Variants in TLN2 observed in about 807,000 individuals in gnomAD.
TLN2 encodes talin-2.
In TLN2, 118 loss-of-function variants were observed where a neutral mutation model predicts 294.7. The observed-to-expected ratio is 0.40, with a 90% CI of 0.34 to 0.47. The LOEUF (loss-of-function observed/expected upper bound fraction) is 0.47, where lower values mean the gene tolerates loss of function less well. Ranked by LOEUF, TLN2 falls within the 20% of genes least tolerant of loss-of-function variation. TLN2 has a pLI of 0.84. For missense variants in TLN2, 3,083 were observed against 3,282.2 expected (o/e 0.94, Z 1.48); for synonymous variants, 1,431 against 1,304.5 (o/e 1.10, Z -2.09).
At chr15:62,477,316 C>T (rs758157189) in intron 1 of TLN2, among the ~76,000 whole-genome samples, 1 of 152,184 alleles carries the variant, frequency 6.6e-6, no homozygotes, top group Non-Finnish European at 1.5e-5. Context: ...AGAAGTAAGG[C>T]TGTAAGCTTT....
intron 32 of TLN2, 78 bp downstream of exon 32, chr15:62,740,847 C>T: frequency 6.3e-7 from 1 of 1,578,446 alleles, no homozygotes; most frequent in Non-Finnish European, 8.6e-7. Flanking sequence ...TGACATCCTC[C>T]CACTTTTGCT....
At chr15:62,501,438 G>C (rs894102211) in intron 1 of TLN2, among the ~76,000 whole-genome samples, 4 of 152,146 alleles carry the variant, frequency 2.6e-5, no homozygotes, top group Non-Finnish European at 4.4e-5. Flanking sequence ...TGTACCAAAA[G>C]AGCGACCCTC....
chr15:62,761,606 A>G, intron 37 of TLN2, 75 bp from the exon 38 acceptor site: 2 of 1,591,802 alleles, frequency 1.3e-6, no homozygotes, highest in Non-Finnish European at 8.6e-7. Flanking sequence ...TTCTTTCACT[A>G]AGAGGTGATT....
chr15:62,587,935 T>C (rs560443188), intron 1 of TLN2, among the ~76,000 whole-genome samples: 48 of 152,218 alleles, frequency 3.2e-4, no homozygotes, highest in Non-Finnish European at 4.0e-4. Context: ...GGCTGGAGTG[T>C]AGTGGCGTGA....
In TLN2 at chr15:62,792,912, C is replaced by T. The variant is rs16945739; in HGVS notation, c.5883+125C>T. ...CCCAGCTGACTCAGCTGTCTCATCCCGATCTTCCCCACTGCCCAGGTTCTC... is the reference window on the plus strand; with the variant it reads ...CCCAGCTGACTCAGCTGTCTCATCCTGATCTTCCCCACTGCCCAGGTTCTC... On this transcript the variant is annotated intron_variant, in intron 46 of 58. Transcript: ENST00000636159. 74 of 1,434,312 alleles carry T rather than the reference C, an allele frequency of 5.2e-5. 1 individual carries two copies. The South Asian group carries it at 6.4e-4, about 12-fold the overall frequency. 88.8% of individuals were successfully genotyped at this position (1,434,312 alleles called of 1,614,324 possible).
chr15:62,702,150 G>T lies in TLN2; in HGVS notation c.1855G>T (p.Ala619Ser). 1 of 1,612,706 alleles carries T rather than the reference G, an allele frequency of 6.2e-7. No homozygotes were observed. Among genetic ancestry groups the T allele is most frequent in the Non-Finnish European group, 8.5e-7 (1 of 1,179,486 alleles). ...CTTGCTCAGAGCTGCCAGGACCCTCGCTGGGGCGGTGTCAGACTTGCTGAA... is the reference window on the plus strand; with the variant it reads ...CTTGCTCAGAGCTGCCAGGACCCTCTCTGGGGCGGTGTCAGACTTGCTGAA... ...EDLLRAARTL[A>S]GAVSDLLKAV... The change falls in exon 18 of 59, where the codon GCT becomes TCT. Residue 619 changes from alanine (A) to serine (S), a missense_variant. By Grantham distance (99) the Ala-to-Ser change is moderately conservative (BLOSUM62 1). Coordinates refer to ENST00000636159, the MANE Select transcript of TLN2 (RefSeq NM_015059.3).
chr15:62,694,253 A>G, intron 13 of TLN2, 63 bp from the exon 14 acceptor site: 1 of 1,485,576 alleles, frequency 6.7e-7, no homozygotes. Flanking sequence ...CTGGGATTAG[A>G]GGCGTGAGCC....
chr15:62,804,102 C>T (rs1455636171), intron 50 of TLN2, among the ~76,000 whole-genome samples: 1 of 152,148 alleles, frequency 6.6e-6, no homozygotes, highest in Non-Finnish European at 1.5e-5. Context: ...CAGATAATTA[C>T]TTTCTCCCAA....
At chr15:62,825,795 T>TA (rs1567687008) in intron 54 of TLN2, among the ~76,000 whole-genome samples, 3 of 6,538 alleles carry the variant, frequency 4.6e-4, no homozygotes, top group Admixed American at 2.9e-3. Flanking sequence ...TATATTATAA[T>TA]ATATATTATA....
chr15:62,423,129 C>A (rs1294064435), intron 1 of TLN2, among the ~76,000 whole-genome samples: 1 of 152,216 alleles, frequency 6.6e-6, no homozygotes, highest in Non-Finnish European at 1.5e-5. Flanking sequence ...TGCGGTGGCT[C>A]ACGCCTGTAA....
At chr15:62,440,169 C>T (rs1237144721) in intron 1 of TLN2, among the ~76,000 whole-genome samples, 1 of 152,196 alleles carries the variant, frequency 6.6e-6, no homozygotes, top group East Asian at 1.9e-4. Context: ...TCCTCGATCT[C>T]GTGGTCTTCC....
intron 11 of TLN2, 24 bp downstream of exon 11, chr15:62,675,345 G>A (rs759606601): frequency 3.1e-6 from 5 of 1,609,930 alleles, no homozygotes; most frequent in Non-Finnish European, 4.3e-6. Context: ...AATGGGGAGA[G>A]TGTTCACCTT....
At chr15:62,396,549 T>C (rs1010811858) in intron 1 of TLN2, among the ~76,000 whole-genome samples, 3 of 152,184 alleles carry the variant, frequency 2.0e-5, no homozygotes, top group Non-Finnish European at 4.4e-5. Flanking sequence ...ATACCTTCAG[T>C]GTAAAGGATA....
intron 1 of TLN2, among the ~76,000 whole-genome samples, chr15:62,441,445 A>G (rs1345204991): frequency 1.3e-5 from 2 of 152,190 alleles, no homozygotes; most frequent in African/African-American, 4.8e-5. Context: ...ATACATGTAA[A>G]CAGAAAACAC....
chr15:62,532,655 T>C (rs906449996), intron 1 of TLN2, among the ~76,000 whole-genome samples: 9 of 152,230 alleles, frequency 5.9e-5, no homozygotes, highest in African/African-American at 2.2e-4. Flanking sequence ...TGACAAATGG[T>C]GATTTAGCAA....
At chr15:62,444,137 A>ATT (rs2035695214) in intron 1 of TLN2, among the ~76,000 whole-genome samples, 1 of 152,236 alleles carries the variant, frequency 6.6e-6, no homozygotes, top group Non-Finnish European at 1.5e-5. Context: ...TTGAACCTAT[A>ATT]AAGAAGTCTG....
intron 45 of TLN2, among the ~76,000 whole-genome samples, chr15:62,786,270 G>A (rs1364544499): frequency 6.6e-6 from 1 of 152,210 alleles, no homozygotes; most frequent in Non-Finnish European, 1.5e-5. Context: ...GGGGAAATAA[G>A]GAGCTGCTCC....
At chr15:62,666,991 A>G (rs767551281) in intron 9 of TLN2, among the ~76,000 whole-genome samples, 3 of 151,874 alleles carry the variant, frequency 2.0e-5, no homozygotes, top group Non-Finnish European at 4.4e-5. Flanking sequence ...TTTGAGATGG[A>G]GTCTCGCTCT....
chr15:62,403,561 A>G (rs935654910), intron 1 of TLN2, among the ~76,000 whole-genome samples: 1 of 152,172 alleles, frequency 6.6e-6, no homozygotes, highest in Non-Finnish European at 1.5e-5. Context: ...GGTAGTGGCA[A>G]TACCCATGTG....
Sources: allele counts gnomAD v4.1 joint callset (sites outside exome capture counted in the v4.1 genomes callset), GRCh38; gene constraint gnomAD v4.1.1; transcripts MANE v1.5; gene names NCBI Gene and HGNC (gene_info 2026-07-23, HGNC 2026-07-21).